The following BAZ2B variants were observed in gnomAD, a reference collection of about 807,000 sequenced individuals.
The protein encoded by BAZ2B is bromodomain adjacent to zinc finger domain protein 2B.
In BAZ2B, 91 loss-of-function variants were observed where a neutral mutation model predicts 246.0. The observed-to-expected ratio is 0.37, with a 90% CI of 0.31 to 0.44. BAZ2B has a LOEUF of 0.44. Ranked by LOEUF, BAZ2B falls within the 20% of genes least tolerant of loss-of-function variation. The pLI is 1.00. For synonymous variants in BAZ2B, 855 were observed against 860.0 expected (o/e 0.99, Z 0.10); for missense variants, 2,332 against 2,533.7 (o/e 0.92, Z 1.71).
chr2:159,358,031 G>A (rs1437728551), intron 27 of BAZ2B, among the ~76,000 whole-genome samples: 3 of 152,024 alleles, frequency 2.0e-5, no homozygotes, highest in African/African-American at 4.8e-5. Context: ...GTAGACCATC[G>A]ACACTATGAA....
At chr2:159,621,860 C>G in the BAZ2B span, among the ~76,000 whole-genome samples, 1 of 152,038 alleles carries the variant, frequency 6.6e-6, no homozygotes, top group Non-Finnish European at 1.5e-5. Flanking sequence ...AATCCCAGCA[C>G]TTTGGGAGGC....
intron 27 of BAZ2B, among the ~76,000 whole-genome samples, chr2:159,356,949 A>G (rs776979060): frequency 2.0e-5 from 3 of 152,218 alleles, no homozygotes; most frequent in Non-Finnish European, 4.4e-5. Flanking sequence ...AAGGACATCC[A>G]CACAGAAACT....
chr2:159,606,922 ATT>A (rs5835752), intron 1 of BAZ2B, among the ~76,000 whole-genome samples: 76 of 139,034 alleles, frequency 5.5e-4, no homozygotes, highest in African/African-American at 2.0e-3. Context: ...TGGGATTTCT[ATT>A]TTTTTTTTTT....
chr2:159,495,516 A>T (rs1167707143), intron 2 of BAZ2B, among the ~76,000 whole-genome samples: 1 of 139,578 alleles, frequency 7.2e-6, no homozygotes, highest in Non-Finnish European at 1.6e-5. Flanking sequence ...AAAAAAAAAA[A>T]TTTAATATGA....
the BAZ2B span, chr2:159,712,093 G>T: frequency 8.1e-6 from 1 of 123,276 alleles, no homozygotes; most frequent in East Asian, 2.5e-4. Context: ...GCCAGAAAAA[G>T]AAAAAAAAAA....
intron 2 of BAZ2B, among the ~76,000 whole-genome samples, chr2:159,547,061 T>C (rs747678517): frequency 1.8e-4 from 27 of 151,984 alleles, no homozygotes; most frequent in Non-Finnish European, 3.4e-4. Flanking sequence ...TATTCAGTGG[T>C]AAGGGGAGTG....
At chr2:159,424,080 T>A (rs2150084255) in intron 13 of BAZ2B, among the ~76,000 whole-genome samples, 1 of 152,322 alleles carries the variant, frequency 6.6e-6, no homozygotes, top group South Asian at 2.1e-4. Flanking sequence ...TTAAAAACGA[T>A]TTCATTTTAT....
intron 31 of BAZ2B, among the ~76,000 whole-genome samples, chr2:159,342,705 A>G (rs985172739): frequency 6.6e-6 from 1 of 152,218 alleles, no homozygotes; most frequent in East Asian, 1.9e-4. Flanking sequence ...CAATTCTAGG[A>G]GTAAATTTAA....
chr2:159,702,480 T>G, the BAZ2B span, among the ~76,000 whole-genome samples: 1 of 152,144 alleles, frequency 6.6e-6, no homozygotes, highest in Admixed American at 6.5e-5. Flanking sequence ...TCTTAATACA[T>G]CCCATTAAAG....
chr2:159,619,557 A>G (rs1370032709), upstream of BAZ2B, among the ~76,000 whole-genome samples: 1 of 150,448 alleles, frequency 6.6e-6, no homozygotes, highest in African/African-American at 2.4e-5. Context: ...AAAAACTTTA[A>G]TTTTATATTA....
chr2:159,590,763 G>T lies in BAZ2B; in HGVS notation c.-46+25479C>A, dbSNP rs552863419. Among the ~76,000 whole-genome samples, 9 of 152,236 alleles carry T rather than the reference G, an allele frequency of 5.9e-5. No homozygotes were observed. In the South Asian group the frequency reaches 1.9e-3, roughly 32 times the overall value. ...AGATGGGGGTGGGCACGGTAGAATGGAAAGAAGCAAATTTTTAGCAATCTC... is the reference window on the plus strand; with the variant it reads ...AGATGGGGGTGGGCACGGTAGAATGTAAAGAAGCAAATTTTTAGCAATCTC... On this transcript the variant is annotated intron_variant, in intron 1 of 36. Coordinates refer to ENST00000392783, the MANE Select transcript of BAZ2B (RefSeq NM_013450.4).
At chr2:159,600,085 T>A (rs995556802) in intron 1 of BAZ2B, among the ~76,000 whole-genome samples, 4 of 152,198 alleles carry the variant, frequency 2.6e-5, no homozygotes, top group African/African-American at 9.6e-5. Flanking sequence ...TTAAATGTCC[T>A]AGCTCAGATT....
intron 2 of BAZ2B, among the ~76,000 whole-genome samples, chr2:159,535,583 T>C (rs1485714158): frequency 6.6e-6 from 1 of 152,196 alleles, no homozygotes; most frequent in Non-Finnish European, 1.5e-5. Flanking sequence ...CTCAATAAAC[T>C]TTCTCTATTT....
At chr2:159,625,790 T>G in the BAZ2B span, among the ~76,000 whole-genome samples, 9,658 of 152,186 alleles carry the variant, frequency 0.063, 385 homozygotes, top group Non-Finnish European at 0.091. Flanking sequence ...AACAACCAGC[T>G]AGCATCATAA....
At chr2:159,675,751 T>C in the BAZ2B span, among the ~76,000 whole-genome samples, 1 of 151,408 alleles carries the variant, frequency 6.6e-6, no homozygotes, top group Non-Finnish European at 1.5e-5. Context: ...CCTTTGTTTC[T>C]TTTTTTTTGA....
In BAZ2B at chr2:159,433,183, G is replaced by A; in HGVS notation, c.1474C>T (p.His492Tyr). ...CTTTGAATAACTCCATTTGGTTGGTGATTACCTAAAAGTGCATTTGTCAAG... is the reference window on the plus strand; with the variant it reads ...CTTTGAATAACTCCATTTGGTTGGTAATTACCTAAAAGTGCATTTGTCAAG... The part of the protein sequence containing the change: ...PFLTNALLGN[H>Y]QPNGVIQSVI... Residue 492 changes from histidine (H) to tyrosine (Y), a missense_variant, in exon 9 of 37, where the codon CAC (histidine) becomes TAC (tyrosine). His to Tyr is a moderately conservative substitution (Grantham distance 83). Coordinates refer to ENST00000392783, the MANE Select transcript of BAZ2B (RefSeq NM_013450.4). 1 of 1,614,164 alleles carries A rather than the reference G, an allele frequency of 6.2e-7. No individual in the cohort carries two copies. The highest frequency in any genetic ancestry group is 1.1e-5 in the South Asian group (1 of 91,076).
At chr2:159,539,053 G>T (rs1434949663) in intron 2 of BAZ2B, among the ~76,000 whole-genome samples, 1 of 152,136 alleles carries the variant, frequency 6.6e-6, no homozygotes, top group Non-Finnish European at 1.5e-5. Flanking sequence ...GCTTCAAAAC[G>T]CAGGGGGCGG....
intron 30 of BAZ2B, among the ~76,000 whole-genome samples, 195 bp from the exon 31 acceptor site, chr2:159,347,841 G>A (rs759033758): frequency 3.3e-5 from 5 of 152,032 alleles, no homozygotes; most frequent in Admixed American, 1.3e-4. Flanking sequence ...AATATGCTAC[G>A]GGTGTAAAAA....
At chr2:159,397,069 C>G (rs1200220810) in intron 19 of BAZ2B, 1 of 1,403,712 alleles carries the variant, frequency 7.1e-7, no homozygotes, top group Non-Finnish European at 9.5e-7. Flanking sequence ...TAAACATACC[C>G]ATACCATATC....
Sources: gnomAD v4.1 joint callset for allele counts (sites outside exome capture counted in the v4.1 genomes callset) on GRCh38, gnomAD v4.1.1 for gene constraint, MANE v1.5 for transcripts, NCBI Gene and HGNC (gene_info 2026-07-23, HGNC 2026-07-21) for gene names.